The following DYSF variants were observed in gnomAD, a reference collection of about 807,000 sequenced individuals.
DYSF encodes the protein dystrophy-associated fer-1-like 1.
A neutral mutation model predicts 274.9 loss-of-function variants in DYSF; 212 were observed. That is an observed-to-expected ratio of 0.77 (90% CI 0.69 to 0.86). The LOEUF is 0.86. Among genes scored for constraint, DYSF ranks in the 40% least tolerant of loss-of-function variants. The pLI, the probability that DYSF is intolerant of heterozygous loss-of-function variation, is 0.00. For synonymous variants in DYSF, 1,091 were observed against 1,078.7 expected (o/e 1.01, Z -0.22); for missense variants, 2,666 against 2,783.2 (o/e 0.96, Z 0.95).
chr2:71,560,563 T>C (rs1173880371), intron 22 of DYSF, among the ~76,000 whole-genome samples: 1 of 151,960 alleles, frequency 6.6e-6, no homozygotes, highest in Non-Finnish European at 1.5e-5. Flanking sequence ...GGGGCTTAAG[T>C]TTCCCGAGAT....
chr2:71,669,726 G>A lies in DYSF; in HGVS notation c.5764G>A (p.Val1922Ile). The A allele has an allele frequency of 6.2e-7, 1 of 1,614,240 alleles. No individual in the cohort carries two copies. Among genetic ancestry groups the A allele is most frequent in the South Asian group, 1.1e-5 (1 of 91,090 alleles). The part of the protein sequence containing the change: ...FPFDYLPAEQ[V>I]CTIAKKDAFW... ...CTTCGACTACCTGCCAGCTGAGCAA[G>A]TCTGTACCATTGCCAAGAAGGTCAG... Residue 1922 changes from valine (V) to isoleucine (I), a missense_variant, in exon 51 of 56, where the codon GTC becomes ATC. Val to Ile is a conservative substitution (Grantham distance 29). Transcript: ENST00000410020.
At chr2:71,542,026 A>C (rs926342455) in intron 17 of DYSF, among the ~76,000 whole-genome samples, 1 of 152,234 alleles carries the variant, frequency 6.6e-6, no homozygotes, top group Non-Finnish European at 1.5e-5. Context: ...GGACAGCTGA[A>C]GGCAGAGTGG....
rs398123764 is a variant in DYSF at position 71,480,899 on chromosome 2, CAA to C, written c.110_111del (p.Lys37SerfsTer12). 6.8e-6 allele frequency: 11 copies of C among 1,614,086 alleles called. No individual in the cohort carries two copies. The highest frequency in any genetic ancestry group is 9.3e-6 in the Non-Finnish European group (11 of 1,179,968). On this transcript the variant is annotated frameshift_variant, in exon 2 of 56. Coordinates refer to ENST00000410020, the MANE Select transcript of DYSF (RefSeq NM_001130987.2). LOFTEE classifies it high-confidence loss of function. ...CTCTTGTAGGGGTGAAGAAGAGAAC[CAA>C]AGTCATCAAGAACAGCGTGAACCCT... ...LTFRGVKKRT[K>X]VIKNSVNPVW...
At chr2:71,510,349 C>T (rs1217070955) in intron 4 of DYSF, among the ~76,000 whole-genome samples, 1 of 152,166 alleles carries the variant, frequency 6.6e-6, no homozygotes, top group Non-Finnish European at 1.5e-5. Context: ...CTTCTTTTCC[C>T]CTCCACGGGT....
At chr2:71,580,346 C>CGGCGA (rs1285502023) in intron 30 of DYSF, among the ~76,000 whole-genome samples, 1 of 152,242 alleles carries the variant, frequency 6.6e-6, no homozygotes, top group Non-Finnish European at 1.5e-5. Context: ...AAGCCTGGGC[C>CGGCGA]GGCGAGGCAA....
Position 71,567,942 on chromosome 2 carries a change from G to A in DYSF, c.2566-9G>A, listed in dbSNP as rs1288297065. 2 of 1,613,934 alleles carry A rather than the reference G, an allele frequency of 1.2e-6. No homozygotes were observed. The highest frequency in any genetic ancestry group is 1.1e-5 in the South Asian group (1 of 91,062). On this transcript the variant is annotated splice_polypyrimidine_tract_variant and intron_variant, in intron 24 of 55. Transcript: ENST00000410020. ...GGACTGTGGGTTTCTGTCCTTCTCT[G>A]GTACCCAGTATCCGATGGAGAAGGT...
rs898533910 is a variant in DYSF, at chr2:71,568,421, G to A, written c.2864+83G>A. On this transcript the variant is annotated intron_variant, in intron 26 of 55. Transcript: ENST00000410020. ...GCACCCTCCTTTTGGAGGCAGGCTG[G>A]GGTCTGTTGATCCCTCTGCTTGCTC... 8.7e-5 allele frequency: 135 copies of A among 1,560,622 alleles called. 1 individual carries two copies. The Middle Eastern group carries it at 2.0e-3, about 23-fold the overall frequency.
intron 55 of DYSF, among the ~76,000 whole-genome samples, chr2:71,685,149 CT>C (rs2095341458): frequency 6.6e-6 from 1 of 152,210 alleles, no homozygotes; most frequent in South Asian, 2.1e-4. Flanking sequence ...TTTCCAGTCA[CT>C]TCCAGCCTGT....
Position 71,627,983 on chromosome 2 carries a change from ATCTC to A in DYSF, c.4527+7377_4527+7380del, listed in dbSNP as rs528652122. On this transcript the variant is annotated intron_variant, in intron 41 of 55. Coordinates refer to ENST00000410020, the MANE Select transcript of DYSF (RefSeq NM_001130987.2). The stretch of plus-strand genomic sequence containing the variant: ...ACTTTTCTGTCTTTAAGTTTTAGCT[ATCTC>A]TCCTGTGAACAGCAAATAGATAGAT... Among the ~76,000 whole-genome samples the A allele has an allele frequency of 4.0e-4, 61 of 152,024 alleles. 1 individual carries two copies. Among genetic ancestry groups the A allele is most frequent in the Non-Finnish European group, 8.7e-4 (59 of 67,962 alleles).
intron 24 of DYSF, among the ~76,000 whole-genome samples, chr2:71,565,732 T>C (rs1353228123): frequency 1.3e-5 from 2 of 152,254 alleles, no homozygotes; most frequent in Non-Finnish European, 2.9e-5. Flanking sequence ...GGCAGGTTGC[T>C]TAACCTCTCT....
intron 41 of DYSF, among the ~76,000 whole-genome samples, chr2:71,626,553 A>G (rs2094211455): frequency 6.6e-6 from 1 of 151,796 alleles, no homozygotes; most frequent in Admixed American, 6.6e-5. Flanking sequence ...TACTTAAACA[A>G]CTTTGCATTT....
At chr2:71,626,433 A>G (rs1405851304) in intron 41 of DYSF, among the ~76,000 whole-genome samples, 2 of 116,874 alleles carry the variant, frequency 1.7e-5, no homozygotes, top group Non-Finnish European at 3.8e-5. Context: ...ATACATAATT[A>G]TATAATATAT....
In DYSF at chr2:71,520,803, A is replaced by G; in HGVS notation, c.1048A>G (p.Arg350Gly). Reference sequence around the variant, plus strand: ...GTCTCTCTTAGGGCACGCCTATCTCAGGAAGTGGCTGCTGCTCTCAGACCC... The same window carrying G: ...GTCTCTCTTAGGGCACGCCTATCTCGGGAAGTGGCTGCTGCTCTCAGACCC... ...IYREPRHAYLRKWLLLSDPDD... is the reference protein window; with the variant it reads ...IYREPRHAYLGKWLLLSDPDD... The change falls in exon 12 of 56, where the codon AGG becomes GGG. Residue 350 changes from arginine to glycine, a missense_variant. Arg to Gly is a moderately radical substitution (Grantham distance 125). Coordinates refer to ENST00000410020, the MANE Select transcript of DYSF (RefSeq NM_001130987.2). 1.9e-6 allele frequency: 3 copies of G among 1,614,012 alleles called. No homozygotes were observed. The highest frequency in any genetic ancestry group is 2.5e-6 in the Non-Finnish European group (3 of 1,179,980).
At chr2:71,650,556 T>C (rs1161609647) in intron 42 of DYSF, among the ~76,000 whole-genome samples, 2 of 152,174 alleles carry the variant, frequency 1.3e-5, no homozygotes. Context: ...AGTAACCTGA[T>C]TTAACCCAGT....
At chr2:71,542,373 CCTT>C (rs1392750444) in intron 17 of DYSF, among the ~76,000 whole-genome samples, 1 of 107,556 alleles carries the variant, frequency 9.3e-6, no homozygotes, top group Admixed American at 9.6e-5. Flanking sequence ...TCTTGTCAAG[CCTT>C]CTTTTTTTTT....
chr2:71,656,067 T>C (rs1187166744), intron 42 of DYSF, 95 bp from the exon 43 acceptor site: 2 of 1,467,490 alleles, frequency 1.4e-6, no homozygotes, highest in African/African-American at 2.8e-5. Context: ...TCTCACACTG[T>C]CATGTTTCCC....
At position 71,515,655 on chromosome 2, in the gene DYSF, G is replaced by T. The variant is rs1399451547; in HGVS notation, c.792G>T (p.Leu264=). The T allele has an allele frequency of 6.2e-7, 1 of 1,614,006 alleles. No homozygotes were observed. The part of the protein sequence containing the change: ...IRVQVIEGRQ[L]PGVNIKPVVK... ...TCCAGGTGATCGAGGGGCGCCAGCT[G>T]CCGGGGGTGAACATCAAGCCTGTGG... Residue 264 remains leucine (L), a synonymous_variant, in exon 8 of 56, where the codon CTG becomes CTT. Coordinates refer to ENST00000410020, the MANE Select transcript of DYSF (RefSeq NM_001130987.2).
chr2:71,634,190 G>T (rs887283096), intron 41 of DYSF, among the ~76,000 whole-genome samples: 1 of 152,192 alleles, frequency 6.6e-6, no homozygotes, highest in Admixed American at 6.5e-5. Context: ...GTGTTTTAAT[G>T]GCCAGACTTC....
At chr2:71,563,077 GC>G (rs895329088) in intron 23 of DYSF, among the ~76,000 whole-genome samples, 11 of 152,188 alleles carry the variant, frequency 7.2e-5, no homozygotes, top group African/African-American at 2.7e-4. Context: ...TCGAGTTCCT[GC>G]CCCCCTGGAA....
Sources: gnomAD v4.1 joint callset for allele counts (sites outside exome capture counted in the v4.1 genomes callset) on GRCh38, gnomAD v4.1.1 for gene constraint, MANE v1.5 for transcripts, NCBI Gene and HGNC (gene_info 2026-07-23, HGNC 2026-07-21) for gene names.